Variants in EPHA7 observed in about 807,000 individuals in gnomAD.
EPHA7 encodes EPH receptor A7, also known as ephrin type-A receptor 7.
EPHA7 carries 25 observed loss-of-function variants against 112.6 expected under a neutral mutation model. That is an observed-to-expected ratio of 0.22 (90% CI 0.16 to 0.31). EPHA7 has a LOEUF of 0.31. EPHA7 is among the 10% of genes least tolerant of loss of function. The pLI, the probability that EPHA7 is intolerant of heterozygous loss-of-function variation, is 1.00. For missense variants in EPHA7, 962 were observed against 1,212.6 expected (o/e 0.79, Z 3.07); for synonymous variants, 437 against 406.5 (o/e 1.07, Z -0.90).
intron 3 of EPHA7, among the ~76,000 whole-genome samples, chr6:93,364,535 C>CAAAAA (rs35503890): frequency 4.4e-5 from 4 of 90,342 alleles, no homozygotes; most frequent in Admixed American, 1.2e-4. Context: ...AACTCCGTCT[C>CAAAAA]AAAAAAAAAA....
At chr6:93,342,526 A>G (rs1421583424) in intron 5 of EPHA7, among the ~76,000 whole-genome samples, 1 of 151,798 alleles carries the variant, frequency 6.6e-6, no homozygotes, top group African/African-American at 2.4e-5. Context: ...CTTACAGATA[A>G]AGGCATGCTG....
chr6:93,407,241 C>T (rs1057329131), intron 3 of EPHA7, among the ~76,000 whole-genome samples: 1 of 152,042 alleles, frequency 6.6e-6, no homozygotes, highest in African/African-American at 2.4e-5. Flanking sequence ...CCCAGATAAA[C>T]TTGCCTTTAA....
At position 93,352,992 on chromosome 6, in the gene EPHA7, C is replaced by T. The variant is rs191715712; in HGVS notation, c.1324+3725G>A. Among the ~76,000 whole-genome samples the T allele has an allele frequency of 5.2e-4, 79 of 152,104 alleles. 1 individual carries two copies. Among genetic ancestry groups the T allele is most frequent in the African/African-American group, 1.8e-3 (73 of 41,524 alleles). ...GCAAAAATAACAAATGGGCAGTAGG[C>T]TTAATACCTGGGTGATGAAATAATC... On this transcript the variant is annotated intron_variant, in intron 5 of 16. Coordinates refer to ENST00000369303, the MANE Select transcript of EPHA7 (RefSeq NM_004440.4).
chr6:93,406,288 T>C (rs1408488245), intron 3 of EPHA7, among the ~76,000 whole-genome samples: 1 of 151,686 alleles, frequency 6.6e-6, no homozygotes, highest in Non-Finnish European at 1.5e-5. Context: ...GTCTTTGAAT[T>C]TTTTACTTCC....
At chr6:93,301,611 A>T (rs1370677040) in intron 5 of EPHA7, among the ~76,000 whole-genome samples, 1 of 152,200 alleles carries the variant, frequency 6.6e-6, no homozygotes, top group Non-Finnish European at 1.5e-5. Context: ...TGTCAACATT[A>T]TCACTAGCTC....
At chr6:93,326,969 G>C (rs1774353053) in intron 5 of EPHA7, among the ~76,000 whole-genome samples, 1 of 151,544 alleles carries the variant, frequency 6.6e-6, no homozygotes. Context: ...ATGATTGTGA[G>C]TTACCTCATA....
At chr6:93,356,641 A>C in intron 5 of EPHA7, 76 bp downstream of exon 5, 1 of 1,331,318 alleles carries the variant, frequency 7.5e-7, no homozygotes, top group Non-Finnish European at 1.0e-6. Flanking sequence ...CAGAGAAACT[A>C]ACTAAATGTT....
chr6:93,410,931 A>G lies in EPHA7; in HGVS notation c.402T>C (p.Thr134=). 6.2e-7 allele frequency: 1 copy of G among 1,613,972 alleles called. No individual in the cohort carries two copies. The highest frequency in any genetic ancestry group is 2.2e-5 in the East Asian group (1 of 44,872). The change falls in exon 3 of 17, where the codon ACT becomes ACC. Residue 134 remains threonine (T), a synonymous_variant. Coordinates refer to ENST00000369303, the MANE Select transcript of EPHA7 (RefSeq NM_004440.4). This position sits in a 1 kb window ranked among gnomAD's most constrained non-coding sequence, Gnocchi z 4.0. ...NLYYYETDYD[T]GRNIRENLYV... ...AGAGGTTTTCTCTTATATTCCTGCC[A>G]GTGTCATAGTCTGTTTCATAATAGT... is the stretch of plus-strand genomic sequence containing the variant.
At chr6:93,415,754 A>C (rs1779190082) in intron 1 of EPHA7, among the ~76,000 whole-genome samples, 1 of 152,178 alleles carries the variant, frequency 6.6e-6, no homozygotes, top group Non-Finnish European at 1.5e-5. Context: ...TAGTGAATAA[A>C]TTTTAAGTAT....
At chr6:93,341,799 G>A (rs778949027) in intron 5 of EPHA7, among the ~76,000 whole-genome samples, 3 of 151,782 alleles carry the variant, frequency 2.0e-5, no homozygotes, top group Non-Finnish European at 4.4e-5. Context: ...ACCTAGAAGT[G>A]AAAGGTGACT....
chr6:93,409,364 G>A, intron 3 of EPHA7, among the ~76,000 whole-genome samples: 1 of 151,922 alleles, frequency 6.6e-6, no homozygotes, highest in East Asian at 1.9e-4. Flanking sequence ...CTGCAAGCAA[G>A]CTATTTACTC....
chr6:93,260,652 A>G, intron 9 of EPHA7: 1 of 976,500 alleles, frequency 1.0e-6, no homozygotes, highest in South Asian at 4.7e-5. Flanking sequence ...AGCAAAATGT[A>G]TAAAGGAAAA....
At chr6:93,293,596 T>C (rs548668458) in intron 5 of EPHA7, among the ~76,000 whole-genome samples, 54 of 152,302 alleles carry the variant, frequency 3.5e-4, no homozygotes, top group Non-Finnish European at 6.3e-4. Flanking sequence ...CAAACAACTT[T>C]GAACTCATGT....
At chr6:93,335,755 G>A (rs1207255964) in intron 5 of EPHA7, among the ~76,000 whole-genome samples, 2 of 151,546 alleles carry the variant, frequency 1.3e-5, no homozygotes, top group African/African-American at 4.9e-5. Context: ...TTCTTATTGT[G>A]GTATGAGTAA....
At chr6:93,382,665 TGA>T (rs1048371618) in intron 3 of EPHA7, among the ~76,000 whole-genome samples, 1 of 152,202 alleles carries the variant, frequency 6.6e-6, no homozygotes, top group Non-Finnish European at 1.5e-5. Context: ...CCCGGTTTAC[TGA>T]ACGAGGTTTT....
chr6:93,385,706 G>C (rs1582642576), intron 3 of EPHA7, among the ~76,000 whole-genome samples: 2 of 152,132 alleles, frequency 1.3e-5, no homozygotes, highest in East Asian at 3.9e-4. Context: ...AGATGGTGAT[G>C]TGTGGATGGA....
At chr6:93,340,495 G>A (rs951945453) in intron 5 of EPHA7, among the ~76,000 whole-genome samples, 1 of 151,808 alleles carries the variant, frequency 6.6e-6, no homozygotes, top group Non-Finnish European at 1.5e-5. Flanking sequence ...CAAAGGAAAT[G>A]CTCATTCAAT....
At chr6:93,299,540 A>G in intron 5 of EPHA7, among the ~76,000 whole-genome samples, 1 of 152,150 alleles carries the variant, frequency 6.6e-6, no homozygotes, top group East Asian at 1.9e-4. Context: ...TGGTAGGAGT[A>G]TAAATTAGTT....
chr6:93,252,443 T>A (rs996082813), intron 14 of EPHA7, among the ~76,000 whole-genome samples: 2 of 148,892 alleles, frequency 1.3e-5, no homozygotes, highest in Non-Finnish European at 3.0e-5. Context: ...GAAAAAAAAA[T>A]AATATATTCA....
Sources: allele counts gnomAD v4.1 joint callset (sites outside exome capture counted in the v4.1 genomes callset), GRCh38; gene constraint gnomAD v4.1.1; non-coding constraint Gnocchi (gnomAD v3.1); transcripts MANE v1.5; gene names NCBI Gene and HGNC (gene_info 2026-07-23, HGNC 2026-07-21).